The following ZDHHC14 variants were observed in gnomAD, a reference collection of about 807,000 sequenced individuals.
The protein encoded by ZDHHC14 is palmitoyltransferase ZDHHC14.
A neutral mutation model predicts 47.7 loss-of-function variants in ZDHHC14; 16 were observed. The observed-to-expected ratio is 0.34, with a 90% CI of 0.23 to 0.51. The LOEUF (loss-of-function observed/expected upper bound fraction) is 0.51, where lower values mean the gene tolerates loss of function less well. Among genes scored for constraint, ZDHHC14 ranks in the 20% least tolerant of loss-of-function variants. The pLI is 0.97. For synonymous variants in ZDHHC14, 293 were observed against 278.9 expected (o/e 1.05, Z -0.50); for missense variants, 515 against 662.5 (o/e 0.78, Z 2.44).
intron 3 of ZDHHC14, among the ~76,000 whole-genome samples, chr6:157,602,953 G>A (rs961133764): frequency 2.0e-5 from 3 of 152,156 alleles, no homozygotes; most frequent in African/African-American, 4.8e-5. Flanking sequence ...CCATGCTTTC[G>A]GGTCCAAGCC....
intron 7 of ZDHHC14, among the ~76,000 whole-genome samples, chr6:157,648,848 G>A (rs1161142715): frequency 1.3e-5 from 2 of 152,218 alleles, no homozygotes. Flanking sequence ...GACTAGCAGG[G>A]CAGGTCAGGA....
At chr6:157,637,408 A>AAG (rs1244991962) in intron 5 of ZDHHC14, among the ~76,000 whole-genome samples, 19 of 151,946 alleles carry the variant, frequency 1.3e-4, no homozygotes, top group African/African-American at 4.6e-4. Context: ...TAAACTCAAG[A>AAG]CCTCCCAGCC....
intron 1 of ZDHHC14, among the ~76,000 whole-genome samples, chr6:157,481,719 G>A (rs1011896812): frequency 6.6e-6 from 1 of 152,114 alleles, no homozygotes; most frequent in South Asian, 2.1e-4. Context: ...ACCCCAGTTG[G>A]GAATGAGTGA....
At chr6:157,598,893 C>G (rs908920845) in intron 3 of ZDHHC14, among the ~76,000 whole-genome samples, 4 of 152,142 alleles carry the variant, frequency 2.6e-5, no homozygotes, top group African/African-American at 9.7e-5. Flanking sequence ...AGGCAGATAT[C>G]ACACTGAAAA....
At chr6:157,490,268 G>A (rs1445615905) in intron 1 of ZDHHC14, among the ~76,000 whole-genome samples, 1 of 152,146 alleles carries the variant, frequency 6.6e-6, no homozygotes. Flanking sequence ...GTTCATTCAC[G>A]GTTTTCCAAT....
intron 3 of ZDHHC14, among the ~76,000 whole-genome samples, chr6:157,625,314 TAGAG>T (rs1323713416): frequency 1.3e-5 from 2 of 151,968 alleles, no homozygotes; most frequent in Non-Finnish European, 2.9e-5. Flanking sequence ...ACTGGTCAGA[TAGAG>T]AGTCTGAAGA....
At chr6:157,393,115 G>T (rs1777452744) in intron 1 of ZDHHC14, among the ~76,000 whole-genome samples, 2 of 152,178 alleles carry the variant, frequency 1.3e-5, no homozygotes, top group South Asian at 4.1e-4. Flanking sequence ...CCACCCTCAG[G>T]TGATTCGCCT....
chr6:157,672,666 T>G, intron 8 of ZDHHC14, 58 bp from the exon 9 acceptor site: 12 of 517,786 alleles, frequency 2.3e-5, no homozygotes, highest in African/African-American at 4.9e-5. Context: ...TCCCTGTCCC[T>G]CCCCACCTCT....
In ZDHHC14 at chr6:157,618,934, C is replaced by A. The variant is rs1422176606; in HGVS notation, c.566-9415C>A. On this transcript the variant is annotated intron_variant, in intron 3 of 8. Coordinates refer to ENST00000359775, the MANE Select transcript of ZDHHC14 (RefSeq NM_024630.3). ...TTATTTACATTACAAATGAAACCAT[C>A]TTTTTTCACCTTCTTCCTCACTCGC... Among the ~76,000 whole-genome samples the A allele has an allele frequency of 5.3e-5, 8 of 152,160 alleles. No homozygotes were observed. In the East Asian group the frequency reaches 1.5e-3, roughly 29 times the overall value.
At chr6:157,554,835 T>C (rs1782390588) in intron 2 of ZDHHC14, among the ~76,000 whole-genome samples, 1 of 152,204 alleles carries the variant, frequency 6.6e-6, no homozygotes, top group African/African-American at 2.4e-5. Context: ...CACACAGGAA[T>C]GCCTATGACT....
At chr6:157,426,535 G>A (rs556082610) in intron 1 of ZDHHC14, among the ~76,000 whole-genome samples, 1 of 152,186 alleles carries the variant, frequency 6.6e-6, no homozygotes, top group Non-Finnish European at 1.5e-5. Context: ...CACTCAGGGG[G>A]AGAAGCGCAC....
intron 1 of ZDHHC14, among the ~76,000 whole-genome samples, chr6:157,435,545 A>C (rs1441511739): frequency 2.7e-5 from 4 of 150,590 alleles, no homozygotes; most frequent in African/African-American, 4.9e-5. Flanking sequence ...CTCTCTCTCT[A>C]TCTTTTTTTT....
intron 1 of ZDHHC14, among the ~76,000 whole-genome samples, chr6:157,540,933 T>A (rs182169362): frequency 3.8e-4 from 54 of 143,410 alleles, no homozygotes; most frequent in African/African-American, 1.2e-3. Flanking sequence ...TATATATATA[T>A]AATTTCATAC....
At chr6:157,401,478 G>C (rs922930175) in intron 1 of ZDHHC14, among the ~76,000 whole-genome samples, 1 of 152,106 alleles carries the variant, frequency 6.6e-6, no homozygotes, top group Non-Finnish European at 1.5e-5. Context: ...TGTGAGATGC[G>C]CACCTGCTGA....
chr6:157,409,065 C>T (rs1368257068), intron 1 of ZDHHC14, among the ~76,000 whole-genome samples: 3 of 152,208 alleles, frequency 2.0e-5, no homozygotes, highest in Non-Finnish European at 4.4e-5. Flanking sequence ...CGTGGCATTC[C>T]CACTTGCATC....
At chr6:157,643,017 G>T (rs1216993251) in intron 5 of ZDHHC14, among the ~76,000 whole-genome samples, 1 of 152,244 alleles carries the variant, frequency 6.6e-6, no homozygotes, top group African/African-American at 2.4e-5. Context: ...CAGACTTCCG[G>T]CATTCAAGTC....
At chr6:157,645,128 T>C (rs1478332852) in intron 5 of ZDHHC14, among the ~76,000 whole-genome samples, 3 of 152,076 alleles carry the variant, frequency 2.0e-5, no homozygotes, top group Admixed American at 6.5e-5. Context: ...CACCCTGACG[T>C]CACTCCGAGA....
At chr6:157,389,917 A>T (rs1777387496) in intron 1 of ZDHHC14, among the ~76,000 whole-genome samples, 1 of 152,188 alleles carries the variant, frequency 6.6e-6, no homozygotes, top group African/African-American at 2.4e-5. Flanking sequence ...ATACACACGT[A>T]TAAGATATAA....
chr6:157,642,431 G>A (rs558934755), intron 5 of ZDHHC14, among the ~76,000 whole-genome samples: 6 of 152,316 alleles, frequency 3.9e-5, no homozygotes, highest in Admixed American at 6.5e-5. Context: ...GCAGGAACTC[G>A]AGAGAAGGGT....
Sources: gnomAD v4.1 joint callset for allele counts (sites outside exome capture counted in the v4.1 genomes callset) on GRCh38, gnomAD v4.1.1 for gene constraint, MANE v1.5 for transcripts, NCBI Gene and HGNC (gene_info 2026-07-23, HGNC 2026-07-21) for gene names.